The following MEGF11 variants were observed in gnomAD, a reference collection of about 807,000 sequenced individuals.
The protein encoded by MEGF11 is multiple EGF like domains 11, also known as multiple epidermal growth factor-like domains protein 11.
Under a neutral mutation model 146.6 loss-of-function variants are expected in MEGF11, and 126 were observed. The ratio of observed to expected loss-of-function variants is 0.86; its 90% CI spans 0.74 to 1.00. The LOEUF (loss-of-function observed/expected upper bound fraction) is 1.00, where lower values mean the gene tolerates loss of function less well. Ranked by LOEUF, MEGF11 falls within the 50% of genes least tolerant of loss-of-function variation. The probability of loss-of-function intolerance (pLI) is 0.00; values close to 1 mark genes in which losing one functional copy is unlikely to be tolerated. For missense variants in MEGF11, 1,509 were observed against 1,521.2 expected, an observed-to-expected ratio of 0.99 and a Z score of 0.13; for synonymous variants, 532 against 583.4, an observed-to-expected ratio of 0.91 and a Z score of 1.27.
At chr15:65,935,896 T>C (rs1399097163) in intron 10 of MEGF11, among the ~76,000 whole-genome samples, 2 of 152,228 alleles carry the variant, frequency 1.3e-5, no homozygotes, top group Admixed American at 1.3e-4. Flanking sequence ...TGGTGTATAA[T>C]TGACTGGCCA....
At chr15:65,926,845 C>A (rs1286409530) in intron 13 of MEGF11, among the ~76,000 whole-genome samples, 2 of 152,170 alleles carry the variant, frequency 1.3e-5, no homozygotes, top group African/African-American at 2.4e-5. Context: ...AAGTTGATTT[C>A]CACTTGGCTC....
chr15:66,114,122 T>C (rs2087595887), intron 4 of MEGF11, among the ~76,000 whole-genome samples: 1 of 152,216 alleles, frequency 6.6e-6, no homozygotes, highest in South Asian at 2.1e-4. Context: ...CTGTCTCATA[T>C]TGTTATTAAG....
intron 1 of MEGF11, among the ~76,000 whole-genome samples, chr15:66,198,365 C>T (rs1267083994): frequency 2.9e-4 from 44 of 152,376 alleles, no homozygotes. Flanking sequence ...TGATCGCGCA[C>T]AAACCTCTTC....
chr15:66,110,174 G>C (rs540379041), intron 4 of MEGF11, among the ~76,000 whole-genome samples: 1 of 152,196 alleles, frequency 6.6e-6, no homozygotes, highest in African/African-American at 2.4e-5. Flanking sequence ...AGACCACCAG[G>C]CATTGTGGGT....
intron 5 of MEGF11, among the ~76,000 whole-genome samples, chr15:66,075,095 T>C (rs1257809339): frequency 6.6e-6 from 1 of 152,224 alleles, no homozygotes; most frequent in African/African-American, 2.4e-5. Context: ...GCTTGCCATT[T>C]TACTTTGTTT....
rs77099717 is a variant in MEGF11 at position 66,143,492 on chromosome 15, G to C, written c.-8-15081C>G. Among the ~76,000 whole-genome samples the C allele has an allele frequency of 7.7e-3, 1,179 of 152,340 alleles. 18 individuals are homozygous for C. Among genetic ancestry groups the C allele is most frequent in the African/African-American group, 0.026 (1,101 of 41,574 alleles). On this transcript the variant is annotated intron_variant, in intron 1 of 25. Coordinates refer to ENST00000395614, the MANE Select transcript of MEGF11 (RefSeq NM_001385028.1). ...GGGTGCTTCTCGGGTGCAGACAGAA[G>C]GGCTGGCTGCCCAGCAGCTGGCCAG...
intron 1 of MEGF11, among the ~76,000 whole-genome samples, chr15:66,141,602 A>C (rs1264044257): frequency 1.3e-5 from 2 of 152,144 alleles, no homozygotes; most frequent in East Asian, 3.9e-4. Flanking sequence ...AGGATGGTAC[A>C]TCCTAGATGC....
intron 5 of MEGF11, among the ~76,000 whole-genome samples, chr15:66,002,236 A>G (rs2082389872): frequency 6.6e-6 from 1 of 152,168 alleles, no homozygotes; most frequent in South Asian, 2.1e-4. Flanking sequence ...AGGCAAAGTT[A>G]ACACTGTAGT....
chr15:66,247,714 C>T (rs1196010375), intron 1 of MEGF11, among the ~76,000 whole-genome samples: 1 of 152,086 alleles, frequency 6.6e-6, no homozygotes, highest in African/African-American at 2.4e-5. Flanking sequence ...GCACTCCAGC[C>T]TGGGCAACAG....
chr15:66,001,234 C>T (rs1045728500), intron 5 of MEGF11, among the ~76,000 whole-genome samples: 2 of 152,144 alleles, frequency 1.3e-5, no homozygotes, highest in East Asian at 1.9e-4. Flanking sequence ...CACATCCACA[C>T]GCCCCCACGA....
intron 5 of MEGF11, among the ~76,000 whole-genome samples, chr15:66,071,519 A>T (rs932142009): frequency 4.6e-5 from 7 of 152,210 alleles, no homozygotes; most frequent in African/African-American, 1.7e-4. Flanking sequence ...TGAATTATGA[A>T]AGAGAATCGC....
At chr15:66,214,836 C>A (rs2091546535) in intron 1 of MEGF11, among the ~76,000 whole-genome samples, 1 of 152,074 alleles carries the variant, frequency 6.6e-6, no homozygotes, top group Non-Finnish European at 1.5e-5. Flanking sequence ...ACTCAAGGCC[C>A]AGCTCAGAGC....
At chr15:66,003,927 C>T (rs1308947700) in intron 5 of MEGF11, among the ~76,000 whole-genome samples, 2 of 152,208 alleles carry the variant, frequency 1.3e-5, no homozygotes, top group Non-Finnish European at 2.9e-5. Flanking sequence ...AGACCTCCGA[C>T]AAGGCAAGTC....
At chr15:66,245,323 G>T (rs893544391) in intron 1 of MEGF11, among the ~76,000 whole-genome samples, 1 of 152,058 alleles carries the variant, frequency 6.6e-6, no homozygotes, top group Non-Finnish European at 1.5e-5. Flanking sequence ...GTAAGATAAT[G>T]AGTTGGTTAA....
At chr15:66,174,629 C>T (rs62009883) in intron 1 of MEGF11, among the ~76,000 whole-genome samples, 36,750 of 151,052 alleles carry the variant, frequency 0.24, 4,841 homozygotes, top group South Asian at 0.36. Flanking sequence ...TGATCCCAAC[C>T]CCATAATGCC....
At chr15:65,962,465 C>A (rs888524320) in intron 9 of MEGF11, among the ~76,000 whole-genome samples, 18 of 152,158 alleles carry the variant, frequency 1.2e-4, no homozygotes, top group Admixed American at 1.1e-3. Flanking sequence ...TTCTACAAAG[C>A]ACAGGACAGC....
intron 5 of MEGF11, among the ~76,000 whole-genome samples, chr15:66,030,346 C>T (rs2083473522): frequency 6.6e-6 from 1 of 152,170 alleles, no homozygotes; most frequent in African/African-American, 2.4e-5. Flanking sequence ...ATGACATATC[C>T]CATACATGTT....
chr15:65,982,543 A>AG lies in MEGF11; in HGVS notation c.395-56dup. 7.0e-7 allele frequency: 1 copy of AG among 1,424,204 alleles called. No homozygotes were observed. The highest frequency in any genetic ancestry group is 1.5e-5 in the South Asian group (1 of 65,804). The allele number at this position is 1,424,204 out of a possible 1,614,324, so 88.2% of individuals were successfully genotyped here. On this transcript the variant is annotated intron_variant, in intron 5 of 25. Transcript: ENST00000395614. This position sits in a 1 kb window ranked among gnomAD's most constrained non-coding sequence, Gnocchi z 5.6. ...GAGCCCCGAAGGCTCTCCTTGGGGC[A>AG]GGGGCCAGGAACCGATGCCCATGCG... is the stretch of plus-strand genomic sequence containing the variant.
At chr15:66,029,520 T>C (rs1436375878) in intron 5 of MEGF11, among the ~76,000 whole-genome samples, 1 of 152,228 alleles carries the variant, frequency 6.6e-6, no homozygotes, top group Non-Finnish European at 1.5e-5. Flanking sequence ...ATTTGGGACA[T>C]GGCCACATTA....
Sources: allele counts gnomAD v4.1 joint callset (sites outside exome capture counted in the v4.1 genomes callset), GRCh38; gene constraint gnomAD v4.1.1; non-coding constraint Gnocchi (gnomAD v3.1); transcripts MANE v1.5; gene names NCBI Gene and HGNC (gene_info 2026-07-23, HGNC 2026-07-21).